The following NLGN1 variants were observed in gnomAD, a reference collection of about 807,000 sequenced individuals.
NLGN1 encodes the protein neuroligin 1, also known as neuroligin-1.
Under a neutral mutation model 65.5 loss-of-function variants are expected in NLGN1, and 12 were observed. The observed-to-expected ratio is 0.18, with a 90% CI of 0.12 to 0.30. The LOEUF (loss-of-function observed/expected upper bound fraction) is 0.30. Among genes scored for constraint, NLGN1 ranks in the 10% least tolerant of loss-of-function variants. NLGN1 has a pLI of 1.00. For synonymous variants in NLGN1, 350 were observed against 359.5 expected (o/e 0.97, Z 0.30); for missense variants, 750 against 1,007.1 (o/e 0.74, Z 3.46).
chr3:173,526,670 G>T (rs147619538), intron 2 of NLGN1, among the ~76,000 whole-genome samples: 9 of 151,992 alleles, frequency 5.9e-5, no homozygotes, highest in Non-Finnish European at 1.3e-4. Flanking sequence ...GTTGTCACCC[G>T]CTATGTTAGA....
At chr3:173,557,575 C>T (rs1164735809) in intron 2 of NLGN1, among the ~76,000 whole-genome samples, 1 of 151,896 alleles carries the variant, frequency 6.6e-6, no homozygotes, top group Non-Finnish European at 1.5e-5. Context: ...TGTTTTATAT[C>T]TTCTATTAAC....
intron 4 of NLGN1, among the ~76,000 whole-genome samples, chr3:174,241,225 T>A (rs944961651): frequency 8.5e-5 from 13 of 152,214 alleles, no homozygotes; most frequent in Non-Finnish European, 1.9e-4. Flanking sequence ...TGTAACTTTT[T>A]AAAATTCTTA....
At chr3:173,589,039 A>T (rs942143202) in intron 2 of NLGN1, among the ~76,000 whole-genome samples, 16 of 152,216 alleles carry the variant, frequency 1.1e-4, no homozygotes, top group African/African-American at 3.1e-4. Flanking sequence ...ACTACTACTG[A>T]TGTAAATTCA....
Position 173,640,336 on chromosome 3 carries a change from T to G in NLGN1, c.493+35245T>G, listed in dbSNP as rs1334857260. ...TGGCATTTTAGTATTATATTCTTCTTATAGAAGAATACCATAAACATTCTT... is the reference window on the plus strand; with the variant it reads ...TGGCATTTTAGTATTATATTCTTCTGATAGAAGAATACCATAAACATTCTT... On this transcript the variant is annotated intron_variant, in intron 3 of 6. Coordinates refer to ENST00000457714, the Ensembl canonical transcript of NLGN1. Among the ~76,000 whole-genome samples, 3 of 152,126 alleles carry G rather than the reference T, an allele frequency of 2.0e-5. No individual in the cohort carries two copies. In the East Asian group the frequency reaches 5.8e-4, roughly 29 times the overall value.
At chr3:174,196,452 A>G (rs1025286181) in intron 4 of NLGN1, among the ~76,000 whole-genome samples, 1 of 152,132 alleles carries the variant, frequency 6.6e-6, no homozygotes. Flanking sequence ...AAAAGTTCTC[A>G]TTTTGAGTTT....
At chr3:173,611,267 G>T (rs1752244538) in intron 3 of NLGN1, among the ~76,000 whole-genome samples, 1 of 151,990 alleles carries the variant, frequency 6.6e-6, no homozygotes, top group African/African-American at 2.4e-5. Context: ...GCCTCGTGAG[G>T]TTCTCACCGT....
intron 2 of NLGN1, among the ~76,000 whole-genome samples, chr3:173,506,374 G>GT (rs1022150824): frequency 5.3e-5 from 8 of 151,514 alleles, no homozygotes; most frequent in Admixed American, 3.3e-4. Flanking sequence ...TATTATTTTA[G>GT]TTTTTTTTAA....
intron 3 of NLGN1, among the ~76,000 whole-genome samples, chr3:173,688,898 C>T (rs1765054617): frequency 6.6e-6 from 1 of 152,188 alleles, no homozygotes; most frequent in Admixed American, 6.5e-5. Flanking sequence ...AAGGGAGTTA[C>T]ATATGAGACT....
At chr3:173,445,077 G>A (rs1308186778) in intron 2 of NLGN1, among the ~76,000 whole-genome samples, 1 of 151,412 alleles carries the variant, frequency 6.6e-6, no homozygotes, top group East Asian at 1.9e-4. Context: ...GACCATCCCG[G>A]CTAAAACGGT....
intron 3 of NLGN1, among the ~76,000 whole-genome samples, chr3:173,721,456 T>A (rs1428622964): frequency 6.6e-6 from 1 of 152,232 alleles, no homozygotes; most frequent in Non-Finnish European, 1.5e-5. Context: ...ACTTCTTTGC[T>A]TTTTGCTTTC....
chr3:173,545,069 G>A (rs201868570), intron 2 of NLGN1, among the ~76,000 whole-genome samples: 1 of 150,600 alleles, frequency 6.6e-6, no homozygotes, highest in Non-Finnish European at 1.5e-5. Context: ...TGTTTTTTTT[G>A]TTTGTTTTGT....
intron 2 of NLGN1, among the ~76,000 whole-genome samples, chr3:173,475,227 C>T (rs1029161280): frequency 9.9e-5 from 15 of 152,058 alleles, no homozygotes; most frequent in African/African-American, 3.6e-4. Flanking sequence ...ATTTCAATTA[C>T]TTGTTAGGGC....
At chr3:173,827,236 A>T (rs908647652) in intron 4 of NLGN1, among the ~76,000 whole-genome samples, 15 of 152,210 alleles carry the variant, frequency 9.9e-5, no homozygotes, top group African/African-American at 3.6e-4. Flanking sequence ...CAGAGAGGTA[A>T]GGGATGAATT....
At chr3:173,427,621 C>T (rs1001829437) in intron 1 of NLGN1, among the ~76,000 whole-genome samples, 3 of 151,770 alleles carry the variant, frequency 2.0e-5, no homozygotes, top group African/African-American at 7.3e-5. Flanking sequence ...GTGCAATTTC[C>T]AAGGTCTCCT....
intron 4 of NLGN1, among the ~76,000 whole-genome samples, chr3:174,224,756 G>A (rs1739297371): frequency 6.6e-6 from 1 of 152,114 alleles, no homozygotes; most frequent in Non-Finnish European, 1.5e-5. Context: ...TTTCCTGCTA[G>A]GAGGTGCATC....
chr3:173,491,741 GTTC>G (rs1355244945), intron 2 of NLGN1, among the ~76,000 whole-genome samples: 1 of 151,610 alleles, frequency 6.6e-6, no homozygotes, highest in African/African-American at 2.4e-5. Context: ...CTCTAGGATG[GTTC>G]TTATTTTCCT....
rs564784615 is a variant in NLGN1, at chr3:173,490,524, G to A, written c.-321+55446G>A. 2.5e-3 allele frequency among the ~76,000 whole-genome samples: 378 copies of A among 152,236 alleles called. 3 individuals carry two copies. Among genetic ancestry groups the A allele is most frequent in the African/African-American group, 8.7e-3 (361 of 41,530 alleles). ...TTGTAGTATAGTTTGAAGTCAGGTAGCATGATGCCTCCAGCTTTGTTCTTT... is the reference window on the plus strand; with the variant it reads ...TTGTAGTATAGTTTGAAGTCAGGTAACATGATGCCTCCAGCTTTGTTCTTT... On this transcript the variant is annotated intron_variant, in intron 2 of 6. Coordinates refer to ENST00000457714, the Ensembl canonical transcript of NLGN1.
chr3:173,791,822 G>A (rs568116261), intron 3 of NLGN1, among the ~76,000 whole-genome samples: 2 of 152,186 alleles, frequency 1.3e-5, no homozygotes, highest in South Asian at 4.1e-4. Context: ...GACTAGCTGT[G>A]AGTCCTAGGC....
rs149813638 is a variant in NLGN1 at position 173,657,592 on chromosome 3, T to G, written c.493+52501T>G. 1.6e-3 allele frequency among the ~76,000 whole-genome samples: 243 copies of G among 152,056 alleles called. 1 individual carries two copies. The highest frequency in any genetic ancestry group is 5.3e-3 in the African/African-American group (222 of 41,526). On this transcript the variant is annotated intron_variant, in intron 3 of 6. Coordinates refer to ENST00000457714, the Ensembl canonical transcript of NLGN1. ...TGAAGTTGTTCTTTTAAAATGTGAA[T>G]GCTTTCTCCTTAAAATCATTAGTTG...
Sources: allele counts gnomAD v4.1 joint callset (sites outside exome capture counted in the v4.1 genomes callset), GRCh38; gene constraint gnomAD v4.1.1; transcripts MANE v1.5; gene names NCBI Gene and HGNC (gene_info 2026-07-23, HGNC 2026-07-21).